Variants in MARCHF1 observed in about 807,000 individuals in gnomAD.
MARCHF1 encodes E3 ubiquitin-protein ligase MARCHF1.
Under a neutral mutation model 54.2 loss-of-function variants are expected in MARCHF1, and 40 were observed. That is an observed-to-expected ratio of 0.74 (90% CI 0.57 to 0.96). MARCHF1 has a LOEUF of 0.96. Ranked by LOEUF, MARCHF1 falls within the 40% of genes least tolerant of loss-of-function variation. MARCHF1 has a pLI of 0.00. For synonymous variants in MARCHF1, 236 were observed against 236.3 expected (o/e 1.00, Z 0.01); for missense variants, 586 against 656.5 (o/e 0.89, Z 1.17).
intron 4 of MARCHF1, among the ~76,000 whole-genome samples, chr4:163,733,685 C>T (rs1745949036): frequency 6.6e-6 from 1 of 151,784 alleles, no homozygotes; most frequent in Non-Finnish European, 1.5e-5. Context: ...CAATGATGGC[C>T]ATAACTGTAA....
At chr4:164,340,405 T>TTTTATATATATATA (rs1327005165) in intron 1 of MARCHF1, among the ~76,000 whole-genome samples, 1,344 of 95,458 alleles carry the variant, frequency 0.014, 168 homozygotes, top group Middle Eastern at 0.053. Flanking sequence ...AGGCCTTGAT[T>TTTTATATATATATA]TATATATAGA....
At chr4:163,726,808 T>C (rs1745668063) in intron 4 of MARCHF1, among the ~76,000 whole-genome samples, 1 of 152,224 alleles carries the variant, frequency 6.6e-6, no homozygotes, top group African/African-American at 2.4e-5. Flanking sequence ...AGATGTATAG[T>C]GATATTGTTT....
At chr4:164,271,354 T>C (rs576211091) in intron 1 of MARCHF1, among the ~76,000 whole-genome samples, 2 of 152,148 alleles carry the variant, frequency 1.3e-5, no homozygotes, top group Non-Finnish European at 2.9e-5. Context: ...GAGAGAGATG[T>C]GACAATGAAA....
intron 5 of MARCHF1, among the ~76,000 whole-genome samples, chr4:163,648,400 A>G (rs547981347): frequency 6.6e-6 from 1 of 151,944 alleles, no homozygotes; most frequent in Non-Finnish European, 1.5e-5. Flanking sequence ...TGTTCAATTT[A>G]TTCATATTCT....
At chr4:164,285,902 AT>A (rs1560987849) in intron 1 of MARCHF1, among the ~76,000 whole-genome samples, 1 of 150,838 alleles carries the variant, frequency 6.6e-6, no homozygotes, top group Non-Finnish European at 1.5e-5. Context: ...TGCCATATAT[AT>A]TTCTCCCAGC....
At chr4:164,319,660 T>G (rs181207270) in intron 1 of MARCHF1, among the ~76,000 whole-genome samples, 2 of 152,146 alleles carry the variant, frequency 1.3e-5, no homozygotes, top group African/African-American at 4.8e-5. Context: ...CTTTTCCTCT[T>G]TAGTTCAGAT....
intron 4 of MARCHF1, among the ~76,000 whole-genome samples, chr4:163,846,108 G>A (rs906799090): frequency 1.3e-5 from 2 of 152,084 alleles, no homozygotes; most frequent in African/African-American, 4.8e-5. Context: ...CTTAGTAAAG[G>A]CTTTGTAATA....
At chr4:164,225,739 G>C (rs1051254656) in intron 1 of MARCHF1, among the ~76,000 whole-genome samples, 36 of 151,902 alleles carry the variant, frequency 2.4e-4, no homozygotes, top group African/African-American at 8.7e-4. Context: ...TTATTAATGG[G>C]AATGCAAAAT....
chr4:164,240,938 C>T (rs776917538), intron 1 of MARCHF1, among the ~76,000 whole-genome samples: 1 of 152,136 alleles, frequency 6.6e-6, no homozygotes. Flanking sequence ...AATAACCAGC[C>T]GTTCTTCCCT....
At chr4:164,232,013 T>G (rs1732426586) in intron 1 of MARCHF1, among the ~76,000 whole-genome samples, 1 of 152,124 alleles carries the variant, frequency 6.6e-6, no homozygotes, top group African/African-American at 2.4e-5. Flanking sequence ...GACTGACCAG[T>G]AAGAAATTTA....
intron 4 of MARCHF1, among the ~76,000 whole-genome samples, chr4:163,732,283 A>T (rs181380777): frequency 1.3e-5 from 2 of 152,200 alleles, no homozygotes; most frequent in Admixed American, 1.3e-4. Context: ...GAATGGTAGC[A>T]ACAGTACGAT....
intron 3 of MARCHF1, among the ~76,000 whole-genome samples, chr4:163,903,537 A>G (rs967455708): frequency 7.2e-5 from 11 of 152,310 alleles, no homozygotes; most frequent in African/African-American, 2.4e-4. Context: ...TAAAGTTTAC[A>G]TAGAATAACA....
intron 2 of MARCHF1, among the ~76,000 whole-genome samples, chr4:164,063,210 T>G (rs1754658294): frequency 6.6e-6 from 1 of 152,214 alleles, no homozygotes; most frequent in Non-Finnish European, 1.5e-5. Flanking sequence ...ACCAGCTGCA[T>G]TAGCCCCTAA....
intron 3 of MARCHF1, among the ~76,000 whole-genome samples, chr4:163,931,246 A>G (rs1751666929): frequency 6.6e-6 from 1 of 152,142 alleles, no homozygotes. Context: ...CACCCTGTCT[A>G]TGGTATTTTT....
intron 4 of MARCHF1, among the ~76,000 whole-genome samples, chr4:163,755,179 A>G (rs894964905): frequency 6.6e-6 from 1 of 152,200 alleles, no homozygotes; most frequent in African/African-American, 2.4e-5. Flanking sequence ...CAGTATGTCA[A>G]TAGTGTTGCT....
intron 7 of MARCHF1, among the ~76,000 whole-genome samples, chr4:163,601,794 T>C (rs1210899292): frequency 6.6e-6 from 1 of 152,086 alleles, no homozygotes; most frequent in Non-Finnish European, 1.5e-5. Context: ...TCTTTGTTTC[T>C]ATCTAAAGGC....
intron 1 of MARCHF1, among the ~76,000 whole-genome samples, chr4:164,289,770 C>T (rs1417066178): frequency 2.0e-5 from 3 of 151,856 alleles, no homozygotes; most frequent in Admixed American, 1.3e-4. Flanking sequence ...AAAATCTGAT[C>T]ATACCATACA....
chr4:163,733,617 C>T (rs1309622895), intron 4 of MARCHF1, among the ~76,000 whole-genome samples: 4 of 151,794 alleles, frequency 2.6e-5, no homozygotes, highest in Non-Finnish European at 4.4e-5. Flanking sequence ...CCCCCTACCC[C>T]ACAACAGTCC....
chr4:163,893,969 T>C (rs1159482059), intron 3 of MARCHF1, among the ~76,000 whole-genome samples: 2 of 152,174 alleles, frequency 1.3e-5, no homozygotes, highest in Admixed American at 6.5e-5. Context: ...TGAAATAGCA[T>C]AGGAACACTG....
Sources: gnomAD v4.1 joint callset for allele counts (sites outside exome capture counted in the v4.1 genomes callset) on GRCh38, gnomAD v4.1.1 for gene constraint, MANE v1.5 for transcripts, NCBI Gene and HGNC (gene_info 2026-07-23, HGNC 2026-07-21) for gene names.